Variants in RABGEF1 observed in about 807,000 individuals in gnomAD.
RABGEF1 encodes the protein RAB guanine nucleotide exchange factor 1, also known as rab5 GDP/GTP exchange factor.
In RABGEF1, 26 loss-of-function variants were observed where a neutral mutation model predicts 57.3. The observed-to-expected ratio is 0.45, with a 90% CI of 0.33 to 0.63. The LOEUF (loss-of-function observed/expected upper bound fraction) is 0.63. RABGEF1 is among the 20% of genes least tolerant of loss of function. The probability of loss-of-function intolerance (pLI) is 0.02; values close to 1 mark genes in which losing one functional copy is unlikely to be tolerated. For synonymous variants in RABGEF1, 185 were observed against 210.7 expected, an observed-to-expected ratio of 0.88 and a Z score of 1.06; for missense variants, 464 against 607.6, an observed-to-expected ratio of 0.76 and a Z score of 2.48.
At chr7:66,682,470 C>T (rs1308153866) in intron 1 of RABGEF1, among the ~76,000 whole-genome samples, 1 of 152,246 alleles carries the variant, frequency 6.6e-6, no homozygotes, top group Non-Finnish European at 1.5e-5. Flanking sequence ...TGCGCGGCCT[C>T]TCCGTCCAAC....
chr7:66,730,184 G>C (rs1330178216), intron 2 of RABGEF1, among the ~76,000 whole-genome samples: 2 of 152,176 alleles, frequency 1.3e-5, no homozygotes, highest in East Asian at 1.9e-4. Context: ...CATGTCCACA[G>C]GCTCCTGTCC....
At chr7:66,808,054 A>G (rs1562892705) in intron 8 of RABGEF1, 1 of 152,174 alleles carries the variant, frequency 6.6e-6, no homozygotes, top group Non-Finnish European at 1.5e-5. Context: ...AGCACGTGAC[A>G]TGTTATGTTG....
intron 1 of RABGEF1, among the ~76,000 whole-genome samples, chr7:66,746,497 G>A (rs1800253771): frequency 6.6e-6 from 1 of 151,640 alleles, no homozygotes; most frequent in Non-Finnish European, 1.5e-5. Context: ...CACCATATTG[G>A]CCAGGCTGAT....
chr7:66,767,653 A>G (rs1806079667), intron 1 of RABGEF1, among the ~76,000 whole-genome samples: 1 of 152,140 alleles, frequency 6.6e-6, no homozygotes. Context: ...AGACCTCATG[A>G]CTGGGGCTTG....
chr7:66,758,411 C>T (rs1337311880), intron 1 of RABGEF1, among the ~76,000 whole-genome samples: 1 of 152,166 alleles, frequency 6.6e-6, no homozygotes, highest in Non-Finnish European at 1.5e-5. Context: ...ACTCTGTCTT[C>T]CCTGACATAA....
At chr7:66,799,484 A>C in intron 7 of RABGEF1, 70 bp downstream of exon 7, 1 of 1,233,168 alleles carries the variant, frequency 8.1e-7, no homozygotes, top group Non-Finnish European at 1.2e-6. Context: ...TGTAATATTC[A>C]TCTATACATT....
At chr7:66,767,328 A>C (rs2129100225) in intron 1 of RABGEF1, among the ~76,000 whole-genome samples, 1 of 151,968 alleles carries the variant, frequency 6.6e-6, no homozygotes, top group South Asian at 2.1e-4. Flanking sequence ...TTTAAATCAT[A>C]GAGTAAAATT....
Position 66,809,760 on chromosome 7 carries a change from T to TGTGC in RABGEF1, c.*477_*480dup, listed in dbSNP as rs1584328255. ...ATGTAAAAAAAAGAATGGTGTCTGC[T>TGTGC]GTGCATGGCATTTTATATGTTAATT... On this transcript the variant is annotated 3_prime_UTR_variant, in exon 9 of 9. Coordinates refer to ENST00000284957, the MANE Select transcript of RABGEF1 (RefSeq NM_014504.3). 6.5e-6 allele frequency: 1 copy of TGTGC among 152,936 alleles called. No homozygotes were observed. The highest frequency in any genetic ancestry group is 1.5e-5 in the Non-Finnish European group (1 of 68,254). The allele number at this position is 152,936 out of a possible 1,614,324, so 9.5% of individuals were successfully genotyped here. A position where few individuals can be genotyped will look rare whatever the true frequency, so the allele number is the denominator to read the frequency against.
chr7:66,729,899 C>A (rs1485432926), intron 2 of RABGEF1, among the ~76,000 whole-genome samples: 1 of 152,272 alleles, frequency 6.6e-6, no homozygotes, highest in Non-Finnish European at 1.5e-5. Flanking sequence ...TTGGCACCTG[C>A]AGCCAATGCC....
upstream of RABGEF1, among the ~76,000 whole-genome samples, chr7:66,738,023 G>T (rs12672640): frequency 0.21 from 26,767 of 128,612 alleles, 2,527 homozygotes; most frequent in East Asian, 0.31. Context: ...TGTTTTTTTT[G>T]TTTTTTTTTT....
intron 1 of RABGEF1, among the ~76,000 whole-genome samples, chr7:66,760,740 C>G (rs1804114651): frequency 6.6e-6 from 1 of 151,172 alleles, no homozygotes. Flanking sequence ...CCGCACCCAG[C>G]CAGCATTTAT....
At chr7:66,699,552 C>T (rs554941597) in intron 1 of RABGEF1, among the ~76,000 whole-genome samples, 4 of 152,206 alleles carry the variant, frequency 2.6e-5, no homozygotes, top group South Asian at 2.1e-4. Flanking sequence ...ATTAGCCGAG[C>T]GTCGTGGCAG....
chr7:66,758,761 GGTAC>G (rs1336562061), intron 1 of RABGEF1, among the ~76,000 whole-genome samples: 1 of 152,156 alleles, frequency 6.6e-6, no homozygotes, highest in Non-Finnish European at 1.5e-5. Flanking sequence ...CTCTTTTGGT[GGTAC>G]CCTTGCTCTC....
chr7:66,799,308 T>A lies in RABGEF1; in HGVS notation c.729-15T>A. 1 of 1,562,424 alleles carries A rather than the reference T, an allele frequency of 6.4e-7. No individual in the cohort carries two copies. The highest frequency in any genetic ancestry group is 8.8e-7 in the Non-Finnish European group (1 of 1,135,076). ...TTATCCTTGGAGCTCTTGTTTACTG[T>A]CTCTCTCTCTTTAGAGCCCTGCGCT... On this transcript the variant is annotated splice_polypyrimidine_tract_variant and intron_variant, in intron 6 of 8. Transcript: ENST00000284957.
chr7:66,720,185 A>AT, intron 2 of RABGEF1, among the ~76,000 whole-genome samples: 1 of 113,864 alleles, frequency 8.8e-6, no homozygotes, highest in Non-Finnish European at 2.0e-5. Flanking sequence ...TATTATTATT[A>AT]TTATTATTAT....
At chr7:66,724,963 A>G (rs1284115894) in intron 2 of RABGEF1, among the ~76,000 whole-genome samples, 4 of 152,088 alleles carry the variant, frequency 2.6e-5, no homozygotes, top group African/African-American at 7.2e-5. Flanking sequence ...CTTAGACATT[A>G]TGTTTTCAGC....
chr7:66,730,571 T>C (rs1797202410), intron 2 of RABGEF1, among the ~76,000 whole-genome samples: 1 of 150,980 alleles, frequency 6.6e-6, no homozygotes, highest in Non-Finnish European at 1.5e-5. Context: ...TTTTTTTTTT[T>C]TTTTGGTGGC....
chr7:66,767,405 A>T (rs1806015202), intron 1 of RABGEF1, among the ~76,000 whole-genome samples: 1 of 152,158 alleles, frequency 6.6e-6, no homozygotes, highest in Admixed American at 6.5e-5. Flanking sequence ...ACACCTCCAC[A>T]ATCAGAATAC....
chr7:66,717,429 T>A (rs1795537482), intron 2 of RABGEF1, among the ~76,000 whole-genome samples: 1 of 152,216 alleles, frequency 6.6e-6, no homozygotes, highest in African/African-American at 2.4e-5. Flanking sequence ...AAAATACTTA[T>A]TAGACAATAT....
Sources: gnomAD v4.1 joint callset for allele counts (sites outside exome capture counted in the v4.1 genomes callset) on GRCh38, gnomAD v4.1.1 for gene constraint, MANE v1.5 for transcripts, NCBI Gene and HGNC (gene_info 2026-07-23, HGNC 2026-07-21) for gene names.